The following SLC24A3 variants were observed in gnomAD, a reference collection of about 807,000 sequenced individuals.
The protein encoded by SLC24A3 is solute carrier family 24 member 3.
Under a neutral mutation model 75.8 loss-of-function variants are expected in SLC24A3, and 28 were observed. That is an observed-to-expected ratio of 0.37 (90% CI 0.27 to 0.51). SLC24A3 has a LOEUF of 0.51. Ranked by LOEUF, SLC24A3 falls within the 20% of genes least tolerant of loss-of-function variation. The pLI is 0.94. For missense variants in SLC24A3, 663 were observed against 847.8 expected (o/e 0.78, Z 2.71); for synonymous variants, 372 against 334.1 (o/e 1.11, Z -1.24).
intron 8 of SLC24A3, among the ~76,000 whole-genome samples, chr20:19,667,575 T>C (rs1231302086): frequency 1.3e-5 from 2 of 152,216 alleles, no homozygotes; most frequent in Non-Finnish European, 2.9e-5. Context: ...GTGATCACAG[T>C]TGATCTCAGA....
chr20:19,423,995 G>A (rs1393267923), intron 2 of SLC24A3, among the ~76,000 whole-genome samples: 1 of 152,134 alleles, frequency 6.6e-6, no homozygotes, highest in Non-Finnish European at 1.5e-5. Flanking sequence ...AAGTTATGAA[G>A]CATGAAAAGG....
At chr20:19,414,053 A>G (rs749879648) in intron 2 of SLC24A3, among the ~76,000 whole-genome samples, 4 of 152,254 alleles carry the variant, frequency 2.6e-5, no homozygotes, top group Non-Finnish European at 5.9e-5. Flanking sequence ...GCAAATCAGC[A>G]TATGATACAA....
intron 2 of SLC24A3, among the ~76,000 whole-genome samples, chr20:19,383,403 C>T (rs1456797732): frequency 6.6e-6 from 1 of 152,054 alleles, no homozygotes; most frequent in East Asian, 1.9e-4. Flanking sequence ...CCACTACCCC[C>T]AGGCAAAAAC....
chr20:19,633,370 C>T (rs2031958675), intron 6 of SLC24A3, among the ~76,000 whole-genome samples: 1 of 152,100 alleles, frequency 6.6e-6, no homozygotes, highest in Non-Finnish European at 1.5e-5. Context: ...CCAGTCGTGG[C>T]CGGGCGCGGT....
intron 6 of SLC24A3, among the ~76,000 whole-genome samples, chr20:19,608,010 C>T (rs2031620356): frequency 6.6e-6 from 1 of 152,206 alleles, no homozygotes; most frequent in Non-Finnish European, 1.5e-5. Flanking sequence ...AACCAGAATG[C>T]CCTTTTTCAT....
At chr20:19,633,648 C>CAA (rs61251598) in intron 6 of SLC24A3, among the ~76,000 whole-genome samples, 2,028 of 83,836 alleles carry the variant, frequency 0.024, 70 homozygotes, top group African/African-American at 0.05. Context: ...GACTCCGTCT[C>CAA]AAAAAAAAAA....
At chr20:19,357,594 A>C (rs1985711524) in intron 2 of SLC24A3, among the ~76,000 whole-genome samples, 2 of 152,220 alleles carry the variant, frequency 1.3e-5, no homozygotes, top group South Asian at 4.1e-4. Context: ...TTATATACAG[A>C]AGTTTTAAAC....
At chr20:19,517,387 C>T (rs2030016865) in intron 3 of SLC24A3, among the ~76,000 whole-genome samples, 1 of 152,210 alleles carries the variant, frequency 6.6e-6, no homozygotes, top group African/African-American at 2.4e-5. Context: ...CCTCTGGACT[C>T]ACTGAGTCAT....
chr20:19,362,633 G>A (rs956529580), intron 2 of SLC24A3, among the ~76,000 whole-genome samples: 12 of 152,226 alleles, frequency 7.9e-5, no homozygotes, highest in Admixed American at 7.9e-4. Flanking sequence ...GATAGCCGAT[G>A]TTTGGAGAAT....
chr20:19,705,390 C>T (rs2032918310), intron 15 of SLC24A3, among the ~76,000 whole-genome samples: 2 of 152,152 alleles, frequency 1.3e-5, no homozygotes, highest in African/African-American at 2.4e-5. Context: ...TGCTCAGCCA[C>T]ACTGGGCAGG....
chr20:19,507,518 G>T (rs925885965), intron 2 of SLC24A3, among the ~76,000 whole-genome samples: 2 of 152,350 alleles, frequency 1.3e-5, no homozygotes, highest in Admixed American at 6.5e-5. Context: ...CCAGGCTGAT[G>T]GGAGATGCAC....
chr20:19,280,884 C>T (rs954859401), intron 1 of SLC24A3, 75 bp from the exon 2 acceptor site: 56 of 1,534,028 alleles, frequency 3.7e-5, no homozygotes, highest in Non-Finnish European at 4.9e-5. Flanking sequence ...CTGATCAGGG[C>T]AGCGGGCATG....
chr20:19,399,255 A>T (rs1401847594), intron 2 of SLC24A3, among the ~76,000 whole-genome samples: 1 of 151,926 alleles, frequency 6.6e-6, no homozygotes, highest in East Asian at 1.9e-4. Context: ...TATTTCGTTG[A>T]TCCCACTCTG....
intron 6 of SLC24A3, among the ~76,000 whole-genome samples, chr20:19,612,456 A>T (rs1277002093): frequency 6.6e-6 from 1 of 152,198 alleles, no homozygotes; most frequent in East Asian, 1.9e-4. Flanking sequence ...GTTCAAGGTG[A>T]TGGATCTGCT....
intron 2 of SLC24A3, among the ~76,000 whole-genome samples, chr20:19,370,956 T>C (rs1042656962): frequency 6.6e-6 from 1 of 152,106 alleles, no homozygotes; most frequent in Non-Finnish European, 1.5e-5. Flanking sequence ...TGGAAGATGA[T>C]GAAATGGAGG....
At chr20:19,439,589 CT>C (rs1987265585) in intron 2 of SLC24A3, among the ~76,000 whole-genome samples, 1 of 152,182 alleles carries the variant, frequency 6.6e-6, no homozygotes, top group Non-Finnish European at 1.5e-5. Flanking sequence ...AAAATGATTA[CT>C]AATAATAGCC....
intron 15 of SLC24A3, among the ~76,000 whole-genome samples, chr20:19,700,468 T>A (rs998394228): frequency 6.6e-6 from 1 of 152,218 alleles, no homozygotes; most frequent in Admixed American, 6.5e-5. Context: ...AAGTTACATG[T>A]ACCCACTTGG....
rs762163551 is a variant in SLC24A3, at chr20:19,585,559, T to G, written c.612+15T>G. ...TTGCTGGGCAGGTAAGACTGGCGGC[T>G]TCTTTGTGATGGCAAAATGTGACAT... On this transcript the variant is annotated intron_variant, in intron 6 of 16. Coordinates refer to ENST00000328041, the MANE Select transcript of SLC24A3 (RefSeq NM_020689.4). The G allele has an allele frequency of 3.1e-6, 5 of 1,610,868 alleles. No homozygotes were observed. The South Asian group carries it at 5.5e-5, about 18-fold the overall frequency.
chr20:19,477,484 T>C (rs1395693039), intron 2 of SLC24A3, among the ~76,000 whole-genome samples: 1 of 152,230 alleles, frequency 6.6e-6, no homozygotes, highest in African/African-American at 2.4e-5. Flanking sequence ...GATAAAGTCA[T>C]TACCCAGAAG....
Sources: allele counts gnomAD v4.1 joint callset (sites outside exome capture counted in the v4.1 genomes callset), GRCh38; gene constraint gnomAD v4.1.1; transcripts MANE v1.5; gene names NCBI Gene and HGNC (gene_info 2026-07-23, HGNC 2026-07-21).